WRN: variants seen among roughly 807,000 people sequenced by gnomAD.
WRN encodes WRN RecQ like helicase.
Under a neutral mutation model 180.7 loss-of-function variants are expected in WRN, and 149 were observed. That is an observed-to-expected ratio of 0.82 (90% confidence interval 0.72 to 0.94). The LOEUF (loss-of-function observed/expected upper bound fraction) is 0.94. Among genes scored for constraint, WRN ranks in the 40% least tolerant of loss-of-function variants. The pLI, the probability that WRN is intolerant of heterozygous loss-of-function variation, is 0.00. For synonymous variants in WRN, 548 were observed against 568.9 expected, an observed-to-expected ratio of 0.96 and a Z score of 0.52; for missense variants, 1,661 against 1,700.1, an observed-to-expected ratio of 0.98 and a Z score of 0.40.
chr8:31,148,766 T>C (rs565208665), intron 30 of WRN, among the ~76,000 whole-genome samples: 2 of 152,242 alleles, frequency 1.3e-5, no homozygotes, highest in Non-Finnish European at 2.9e-5. Flanking sequence ...CTGTAGCACT[T>C]ACCACACAAT....
intron 1 of WRN, among the ~76,000 whole-genome samples, chr8:31,040,038 G>C (rs1358842694): frequency 1.3e-5 from 2 of 152,202 alleles, no homozygotes; most frequent in African/African-American, 4.8e-5. Context: ...GAAGTGGTGA[G>C]AGGAGGTCGA....
At chr8:31,150,517 A>T in intron 31 of WRN, 62 bp downstream of exon 31, 1 of 1,400,226 alleles carries the variant, frequency 7.1e-7, no homozygotes, top group Middle Eastern at 1.8e-4. Context: ...CCATTTCAAA[A>T]GTACCCTCCA....
intron 24 of WRN, among the ~76,000 whole-genome samples, chr8:31,133,066 T>C (rs531949258): frequency 6.6e-6 from 1 of 152,324 alleles, no homozygotes; most frequent in Non-Finnish European, 1.5e-5. Context: ...TTACTTTTTT[T>C]TGGAGTGATT....
At chr8:31,142,080 C>G (rs1343522308) in intron 26 of WRN, among the ~76,000 whole-genome samples, 1 of 151,938 alleles carries the variant, frequency 6.6e-6, no homozygotes, top group Non-Finnish European at 1.5e-5. Flanking sequence ...GTAGATGGGA[C>G]TACAGACATG....
intron 8 of WRN, among the ~76,000 whole-genome samples, chr8:31,078,928 C>G (rs1444177481): frequency 6.6e-6 from 1 of 152,188 alleles, no homozygotes; most frequent in Non-Finnish European, 1.5e-5. Context: ...AGCCCTTACA[C>G]TCTTGATAGT....
At chr8:31,132,036 T>C (rs1362644741) in intron 23 of WRN, among the ~76,000 whole-genome samples, 1 of 151,516 alleles carries the variant, frequency 6.6e-6, no homozygotes, top group Non-Finnish European at 1.5e-5. Context: ...TAAGTGGAGC[T>C]GTTCTAGCTA....
chr8:31,137,874 G>A (rs112303962), intron 24 of WRN, among the ~76,000 whole-genome samples: 3 of 152,190 alleles, frequency 2.0e-5, no homozygotes, highest in African/African-American at 4.8e-5. Flanking sequence ...CGAGGCACGA[G>A]GATCTCTCAA....
intron 5 of WRN, among the ~76,000 whole-genome samples, chr8:31,066,371 A>T (rs952466934): frequency 6.6e-5 from 10 of 151,902 alleles, no homozygotes; most frequent in Non-Finnish European, 1.3e-4. Flanking sequence ...TTTTTTTAGT[A>T]GAGACGAGGT....
chr8:31,131,167 T>TTTTTTTTTTTTTTTA (rs1462817370), intron 23 of WRN, among the ~76,000 whole-genome samples: 1 of 148,006 alleles, frequency 6.8e-6, no homozygotes. Flanking sequence ...TTTCTTTTTT[T>TTTTTTTTTTTTTTTA]TTGAGACAGA....
At chr8:31,136,235 C>T (rs979550556) in intron 24 of WRN, among the ~76,000 whole-genome samples, 10 of 152,188 alleles carry the variant, frequency 6.6e-5, no homozygotes, top group Admixed American at 5.2e-4. Flanking sequence ...TCAAGTGATC[C>T]GCCCACCTTG....
At chr8:31,050,196 A>G (rs1019287487) in intron 1 of WRN, among the ~76,000 whole-genome samples, 3 of 152,160 alleles carry the variant, frequency 2.0e-5, no homozygotes, top group African/African-American at 4.8e-5. Context: ...TGCAAAGATA[A>G]ATATAGACAT....
chr8:31,047,284 A>G (rs1303279959), intron 1 of WRN, among the ~76,000 whole-genome samples: 1 of 152,066 alleles, frequency 6.6e-6, no homozygotes, highest in Non-Finnish European at 1.5e-5. Flanking sequence ...CTGGGACTAC[A>G]GATGTGTGCC....
chr8:31,132,606 G>T (rs778863601), intron 24 of WRN, 100 bp downstream of exon 24: 15 of 1,519,326 alleles, frequency 9.9e-6, no homozygotes, highest in Non-Finnish European at 9.0e-6. Context: ...TTTGACTTCA[G>T]ATGGGTGACT....
chr8:31,054,568 A>G (rs1812191193), intron 1 of WRN, among the ~76,000 whole-genome samples: 1 of 152,100 alleles, frequency 6.6e-6, no homozygotes, highest in Non-Finnish European at 1.5e-5. Context: ...AAAATTCCAG[A>G]CAGCCTTTAA....
At chr8:31,117,571 C>A (rs1801569666) in intron 20 of WRN, among the ~76,000 whole-genome samples, 1 of 152,124 alleles carries the variant, frequency 6.6e-6, no homozygotes, top group African/African-American at 2.4e-5. Context: ...CAACTTGACA[C>A]TGTCAACATG....
intron 20 of WRN, among the ~76,000 whole-genome samples, chr8:31,119,502 T>G (rs1801639150): frequency 6.6e-6 from 1 of 151,960 alleles, no homozygotes; most frequent in African/African-American, 2.4e-5. Context: ...TAACTGCCCT[T>G]TTTTCTTACC....
chr8:31,086,618 G>C (rs971532338), intron 11 of WRN, among the ~76,000 whole-genome samples: 3 of 151,872 alleles, frequency 2.0e-5, no homozygotes, highest in African/African-American at 7.3e-5. Flanking sequence ...TGTGAATTCA[G>C]ATGTAGGTTT....
At chr8:31,163,116 G>A (rs777742300) in intron 33 of WRN, among the ~76,000 whole-genome samples, 7 of 152,192 alleles carry the variant, frequency 4.6e-5, no homozygotes, top group East Asian at 3.9e-4. Flanking sequence ...ACACGCGCAC[G>A]CATGCGTGCT....
In WRN at chr8:31,087,907, A is replaced by T. The variant is rs747825738; in HGVS notation, c.1563A>T (p.Glu521Asp). The T allele has an allele frequency of 1.2e-6, 2 of 1,613,334 alleles. No homozygotes were observed. Among genetic ancestry groups the T allele is most frequent in the South Asian group, 1.1e-5 (1 of 91,056 alleles). ...DDENEANEGE[E>D]DDDKDFLWPA... ...AAAATGAAGCTAATGAAGGGGAAGA[A>T]GATGATGATAAGGGTAAGCACTGAA... Residue 521 changes from glutamate to aspartate, a missense_variant, in exon 12 of 35, where the codon GAA (glutamate) becomes GAT (aspartate). Transcript: ENST00000298139.
Sources: allele counts gnomAD v4.1 joint callset (sites outside exome capture counted in the v4.1 genomes callset), GRCh38; gene constraint gnomAD v4.1.1; transcripts MANE v1.5; gene names NCBI Gene and HGNC (gene_info 2026-07-23, HGNC 2026-07-21).